NUP50: variants seen among roughly 807,000 people sequenced by gnomAD.
NUP50 encodes the protein nuclear pore complex protein Nup50.
Under a neutral mutation model 36.8 loss-of-function variants are expected in NUP50, and 14 were observed. The observed-to-expected ratio is 0.38, with a 90% CI of 0.25 to 0.59. The LOEUF is 0.59. Ranked by LOEUF, NUP50 falls within the 20% of genes least tolerant of loss-of-function variation. The pLI, the probability that NUP50 is intolerant of heterozygous loss-of-function variation, is 0.63. For missense variants in NUP50, 455 were observed against 564.6 expected (o/e 0.81, Z 1.97); for synonymous variants, 195 against 210.8 (o/e 0.93, Z 0.65).
Position 45,184,710 on chromosome 22 carries a change from C to T in NUP50, c.*55C>T. The T allele has an allele frequency of 7.6e-7, 1 of 1,310,550 alleles. No homozygotes were observed. Among genetic ancestry groups the T allele is most frequent in the Admixed American group, 1.7e-5 (1 of 58,354 alleles). 81.2% of individuals were successfully genotyped at this position (1,310,550 alleles called of 1,614,324 possible). On this transcript the variant is annotated 3_prime_UTR_variant, in exon 8 of 8. Coordinates refer to ENST00000347635, the MANE Select transcript of NUP50 (RefSeq NM_007172.4). Reference sequence around the variant, plus strand: ...CAAGTTGCTGCTGCTTCCACCGCCCCTTAAAGTTAGTCAGTTTTTCTTCTC... The same window carrying T: ...CAAGTTGCTGCTGCTTCCACCGCCCTTTAAAGTTAGTCAGTTTTTCTTCTC...
At chr22:45,167,989 C>CT (rs1313095247) in intron 1 of NUP50, among the ~76,000 whole-genome samples, 179 bp from the exon 2 acceptor site, 1 of 152,124 alleles carries the variant, frequency 6.6e-6, no homozygotes, top group African/African-American at 2.4e-5. Flanking sequence ...ATTTGTAACA[C>CT]TGGGAGCCTA....
chr22:45,167,624 C>G (rs532977379), intron 1 of NUP50, among the ~76,000 whole-genome samples: 1 of 152,306 alleles, frequency 6.6e-6, no homozygotes, highest in Admixed American at 6.5e-5. Flanking sequence ...AATGTTCAGT[C>G]TTGGGAACCA....
intron 1 of NUP50, among the ~76,000 whole-genome samples, chr22:45,165,585 C>CA (rs2074083218): frequency 6.6e-6 from 1 of 152,122 alleles, no homozygotes; most frequent in African/African-American, 2.4e-5. Flanking sequence ...TTTTCTCCCC[C>CA]CCACTTCTAG....
chr22:45,178,500 C>T lies in NUP50; in HGVS notation c.603C>T (p.His201=), dbSNP rs748235791. ...EKYLANIEQQ[H]GNSGRNSESE... ...ATTTAGCAAACATTGAACAGCAACACGGGAACAGTGGCAGGAATTCTGAAA... is the reference window on the plus strand; with the variant it reads ...ATTTAGCAAACATTGAACAGCAACATGGGAACAGTGGCAGGAATTCTGAAA... The change falls in exon 5 of 8, where the codon CAC becomes CAT. Residue 201 remains histidine, a synonymous_variant. Transcript: ENST00000347635. 30 of 1,612,136 alleles carry T rather than the reference C, an allele frequency of 1.9e-5. No homozygotes were observed. The highest frequency in any genetic ancestry group is 4.3e-4 in the Middle Eastern group (2 of 4,638).
chr22:45,164,692 G>T, intron 1 of NUP50: 1 of 152,406 alleles, frequency 6.6e-6, no homozygotes, highest in South Asian at 2.0e-4. Flanking sequence ...TTTTGAAGCG[G>T]GGCCCGGGCC....
At chr22:45,170,686 G>T (rs1318439055) in intron 2 of NUP50, among the ~76,000 whole-genome samples, 1 of 152,032 alleles carries the variant, frequency 6.6e-6, no homozygotes, top group Non-Finnish European at 1.5e-5. Flanking sequence ...GGGGTTTTTG[G>T]TTTTTTGTTG....
Position 45,186,184 on chromosome 22 carries a change from C to T in NUP50, c.*1529C>T, listed in dbSNP as rs1273429921. On this transcript the variant is annotated 3_prime_UTR_variant, in exon 8 of 8. Transcript: ENST00000347635. ...TTTGATTCCACTGGGAGAATTTGGCCTAGTGTGTGGCTTTGGATGAATCCG... is the reference window on the plus strand; with the variant it reads ...TTTGATTCCACTGGGAGAATTTGGCTTAGTGTGTGGCTTTGGATGAATCCG... 3 of 152,114 alleles carry T rather than the reference C, an allele frequency of 2.0e-5. No homozygotes were observed. Among genetic ancestry groups the T allele is most frequent in the African/African-American group, 7.2e-5 (3 of 41,420 alleles). 9.4% of individuals were successfully genotyped at this position (152,114 alleles called of 1,614,324 possible).
intron 1 of NUP50, among the ~76,000 whole-genome samples, chr22:45,165,421 C>CTAA (rs1347965863): frequency 6.6e-6 from 1 of 152,162 alleles, no homozygotes; most frequent in African/African-American, 2.4e-5. Context: ...TTCTATTCAT[C>CTAA]TAATCTATGT....
At chr22:45,170,899 G>A in intron 2 of NUP50, 1 of 958,986 alleles carries the variant, frequency 1.0e-6, no homozygotes, top group Non-Finnish European at 1.4e-6. Context: ...TCCCCTCTAT[G>A]AGTGTAGGAG....
chr22:45,164,747 G>C lies in NUP50; in HGVS notation c.-11+451G>C, dbSNP rs143473188. The C allele has an allele frequency of 3.8e-3, 575 of 152,316 alleles. 3 individuals carry two copies. The highest frequency in any genetic ancestry group is 0.026 in the South Asian group (125 of 4,832). The allele number at this position is 152,316 out of a possible 1,614,324, so 9.4% of individuals were successfully genotyped here. A position where few individuals can be genotyped will look rare whatever the true frequency, so the allele number is the denominator to read the frequency against. On this transcript the variant is annotated intron_variant, in intron 1 of 7. Coordinates refer to ENST00000347635, the MANE Select transcript of NUP50 (RefSeq NM_007172.4). ...GACTCGAGTGAGACTCTCCCCTGCG[G>C]CCCCGCCGGAGGTAGGGGGCTGGCA... is the stretch of plus-strand genomic sequence containing the variant.
chr22:45,184,278 G>GAGGC, intron 7 of NUP50, 175 bp from the exon 8 acceptor site: 4 of 626,294 alleles, frequency 6.4e-6, no homozygotes, highest in Non-Finnish European at 1.1e-5. Flanking sequence ...GAGGGCAAGT[G>GAGGC]CTCCCCGAGG....
chr22:45,168,895 A>AG (rs1261481201), intron 2 of NUP50, among the ~76,000 whole-genome samples: 2,923 of 93,048 alleles, frequency 0.031, 145 homozygotes, highest in African/African-American at 0.11. Flanking sequence ...CTCTATAAAA[A>AG]AAATTTTTTT....
intron 3 of NUP50, among the ~76,000 whole-genome samples, chr22:45,173,001 C>T (rs1266718200): frequency 6.6e-6 from 1 of 152,154 alleles, no homozygotes; most frequent in African/African-American, 2.4e-5. Context: ...GATGCCATGG[C>T]TAATGTCATA....
At chr22:45,176,849 C>A (rs1454299727) in intron 4 of NUP50, among the ~76,000 whole-genome samples, 1 of 152,166 alleles carries the variant, frequency 6.6e-6, no homozygotes, top group African/African-American at 2.4e-5. Context: ...TTAAGCGATT[C>A]TCCTGCCTCA....
At chr22:45,179,065 C>G in intron 5 of NUP50, 165 bp downstream of exon 5, 1 of 607,986 alleles carries the variant, frequency 1.6e-6, no homozygotes, top group Non-Finnish European at 2.7e-6. Context: ...GTTTCAGATT[C>G]CTGCTTTATA....
rs1462944932 is a variant in NUP50 at position 45,186,056 on chromosome 22, T to G, written c.*1401T>G. 1 of 152,232 alleles carries G rather than the reference T, an allele frequency of 6.6e-6. No homozygotes were observed. Among genetic ancestry groups the G allele is most frequent in the Non-Finnish European group, 1.5e-5 (1 of 68,044 alleles). 9.4% of individuals were successfully genotyped at this position (152,232 alleles called of 1,614,324 possible). A position where few individuals can be genotyped will look rare whatever the true frequency, so the allele number is the denominator to read the frequency against. ...AAACTACAGTCTTTAGGTGTAAGGT[T>G]TGGCGCCGGGAGCAATTTTATGATC... is the stretch of plus-strand genomic sequence containing the variant. On this transcript the variant is annotated 3_prime_UTR_variant, in exon 8 of 8. Coordinates refer to ENST00000347635, the MANE Select transcript of NUP50 (RefSeq NM_007172.4).
At chr22:45,175,776 T>G in intron 3 of NUP50, 118 bp from the exon 4 acceptor site, 1 of 839,716 alleles carries the variant, frequency 1.2e-6, no homozygotes, top group South Asian at 1.9e-5. Context: ...GTTTGCCTTA[T>G]AACGCTGACT....
intron 1 of NUP50, among the ~76,000 whole-genome samples, chr22:45,165,116 T>A (rs1046628467): frequency 6.6e-6 from 1 of 152,194 alleles, no homozygotes; most frequent in Non-Finnish European, 1.5e-5. Flanking sequence ...CATAACTATA[T>A]CAGGCACAAA....
chr22:45,172,557 T>G (rs1175152092), intron 3 of NUP50, among the ~76,000 whole-genome samples: 1 of 152,098 alleles, frequency 6.6e-6, no homozygotes, highest in Non-Finnish European at 1.5e-5. Context: ...ATACTTACTT[T>G]CCTGAGCGTT....
Sources: gnomAD v4.1 joint callset for allele counts (sites outside exome capture counted in the v4.1 genomes callset) on GRCh38, gnomAD v4.1.1 for gene constraint, MANE v1.5 for transcripts, NCBI Gene and HGNC (gene_info 2026-07-23, HGNC 2026-07-21) for gene names.